Variants in NKAIN2 observed in about 807,000 individuals in gnomAD.
The protein encoded by NKAIN2 is sodium/potassium transporting ATPase interacting 2.
NKAIN2 carries 14 observed loss-of-function variants against 32.6 expected under a neutral mutation model. That is an observed-to-expected ratio of 0.43 (90% CI 0.28 to 0.67). The LOEUF (loss-of-function observed/expected upper bound fraction) is 0.67, where lower values mean the gene tolerates loss of function less well. NKAIN2 is among the 30% of genes least tolerant of loss of function. The probability of loss-of-function intolerance (pLI) is 0.17; values close to 1 mark genes in which losing one functional copy is unlikely to be tolerated. For synonymous variants in NKAIN2, 80 were observed against 87.2 expected, an observed-to-expected ratio of 0.92 and a Z score of 0.46; for missense variants, 198 against 258.3, an observed-to-expected ratio of 0.77 and a Z score of 1.60.
At chr6:123,808,365 A>G (rs369533017) in intron 1 of NKAIN2, among the ~76,000 whole-genome samples, 3 of 152,328 alleles carry the variant, frequency 2.0e-5, no homozygotes, top group South Asian at 4.1e-4. Flanking sequence ...ACAATACTTT[A>G]GAAACTTATC....
chr6:124,283,863 G>A (rs1022982931), intron 2 of NKAIN2, among the ~76,000 whole-genome samples: 3 of 151,862 alleles, frequency 2.0e-5, no homozygotes, highest in African/African-American at 7.3e-5. Flanking sequence ...TTTTGACAAA[G>A]GAAATGTCTA....
chr6:124,498,235 T>C (rs1177899685), intron 3 of NKAIN2, among the ~76,000 whole-genome samples: 3 of 152,136 alleles, frequency 2.0e-5, no homozygotes, highest in African/African-American at 7.2e-5. Context: ...GGTGGAAAGA[T>C]TGGCAGGGGG....
intron 1 of NKAIN2, among the ~76,000 whole-genome samples, chr6:123,841,578 A>G (rs1377506140): frequency 6.6e-6 from 1 of 152,142 alleles, no homozygotes; most frequent in Non-Finnish European, 1.5e-5. Context: ...CATCAACAGG[A>G]AGTCTGTACA....
chr6:123,836,450 T>C (rs1347145866), intron 1 of NKAIN2, among the ~76,000 whole-genome samples: 3 of 152,018 alleles, frequency 2.0e-5, no homozygotes, highest in African/African-American at 7.2e-5. Context: ...CCAAAATCTA[T>C]AGCTGCAGTC....
chr6:123,942,375 A>C (rs1457614378), intron 1 of NKAIN2, among the ~76,000 whole-genome samples: 1 of 152,076 alleles, frequency 6.6e-6, no homozygotes, highest in African/African-American at 2.4e-5. Context: ...TAGACATTGA[A>C]GAATTTGTTT....
At chr6:123,812,399 TCAAGTTATTAAAA>T (rs1269206342) in intron 1 of NKAIN2, among the ~76,000 whole-genome samples, 16 of 152,214 alleles carry the variant, frequency 1.1e-4, no homozygotes, top group African/African-American at 3.1e-4. Flanking sequence ...TAGAATATTA[TCAAGTTATTAAAA>T]CAAATGAATA....
At chr6:124,663,998 T>A (rs953330482) in intron 4 of NKAIN2, among the ~76,000 whole-genome samples, 1 of 152,068 alleles carries the variant, frequency 6.6e-6, no homozygotes, top group Non-Finnish European at 1.5e-5. Context: ...CTAGTGCTAA[T>A]GCTTGGTGGC....
chr6:124,694,137 GTAAT>G (rs1272659402), intron 4 of NKAIN2, among the ~76,000 whole-genome samples: 2 of 152,152 alleles, frequency 1.3e-5, no homozygotes, highest in Admixed American at 1.3e-4. Flanking sequence ...CATAGAGTAT[GTAAT>G]TAAACAAGTC....
At chr6:124,395,972 C>T (rs1039158725) in intron 3 of NKAIN2, among the ~76,000 whole-genome samples, 3 of 152,060 alleles carry the variant, frequency 2.0e-5, no homozygotes, top group African/African-American at 7.2e-5. Context: ...TGTGCTAAGC[C>T]TCTAGGCTCT....
chr6:124,788,862 T>C (rs1779621699), intron 4 of NKAIN2, among the ~76,000 whole-genome samples: 1 of 152,064 alleles, frequency 6.6e-6, no homozygotes, highest in South Asian at 2.1e-4. Flanking sequence ...GGAGGTAAAA[T>C]TAAATTAGAA....
At chr6:124,039,182 A>G (rs1274418752) in intron 1 of NKAIN2, among the ~76,000 whole-genome samples, 1 of 152,100 alleles carries the variant, frequency 6.6e-6, no homozygotes, top group Non-Finnish European at 1.5e-5. Flanking sequence ...AATTTTTAAA[A>G]ATAAGAAGAA....
chr6:123,880,177 C>T (rs996317091), intron 1 of NKAIN2, among the ~76,000 whole-genome samples: 10 of 152,148 alleles, frequency 6.6e-5, no homozygotes, highest in African/African-American at 2.2e-4. Context: ...TCATTAAGTT[C>T]TCACTATTAA....
intron 2 of NKAIN2, among the ~76,000 whole-genome samples, chr6:124,285,310 T>C (rs1263261693): frequency 6.6e-6 from 1 of 152,128 alleles, no homozygotes; most frequent in Non-Finnish European, 1.5e-5. Flanking sequence ...TTAGCTCATT[T>C]CTCTCTTACA....
At chr6:124,509,412 C>G (rs1409403787) in intron 3 of NKAIN2, among the ~76,000 whole-genome samples, 1 of 152,184 alleles carries the variant, frequency 6.6e-6, no homozygotes, top group African/African-American at 2.4e-5. Flanking sequence ...CATATATACT[C>G]GGTTTTGTTC....
rs150123329 is a variant in NKAIN2, at chr6:124,205,480, T to C, written c.55-77525T>C. ...TTTACTCTACTGGTACCTGAACACA[T>C]GTTTATCTCTCCAAGAAGTATCCCA... On this transcript the variant is annotated intron_variant, in intron 1 of 6. Coordinates refer to ENST00000368417, the MANE Select transcript of NKAIN2 (RefSeq NM_001040214.3). 4.4e-3 allele frequency among the ~76,000 whole-genome samples: 669 copies of C among 151,886 alleles called. 3 individuals carry two copies. Among genetic ancestry groups the C allele is most frequent in the African/African-American group, 0.015 (621 of 41,476 alleles).
intron 4 of NKAIN2, among the ~76,000 whole-genome samples, chr6:124,784,488 T>A (rs1274070544): frequency 6.6e-6 from 1 of 152,154 alleles, no homozygotes; most frequent in Non-Finnish European, 1.5e-5. Context: ...AACATACAAC[T>A]TTTTGGGTTG....
At chr6:123,839,720 TTA>T (rs912261535) in intron 1 of NKAIN2, among the ~76,000 whole-genome samples, 13 of 152,270 alleles carry the variant, frequency 8.5e-5, no homozygotes, top group African/African-American at 2.9e-4. Flanking sequence ...AACTGAATGG[TTA>T]TATGTTATTT....
At chr6:123,947,563 TA>T (rs1040063407) in intron 1 of NKAIN2, among the ~76,000 whole-genome samples, 2 of 152,232 alleles carry the variant, frequency 1.3e-5, no homozygotes, top group Non-Finnish European at 2.9e-5. Flanking sequence ...CTACTTTTTT[TA>T]AGCCATAGCC....
In NKAIN2 at chr6:124,336,682, G is replaced by GTT. The variant is rs71543265; in HGVS notation, c.193-18576_193-18575dup. Among the ~76,000 whole-genome samples the GTT allele has an allele frequency of 1.2e-3, 175 of 142,288 alleles. 3 individuals carry two copies. The highest frequency in any genetic ancestry group is 3.7e-3 in the Middle Eastern group (1 of 270). 93.3% of individuals were successfully genotyped at this position (142,288 alleles called of 152,430 possible). The stretch of plus-strand genomic sequence containing the variant: ...TGAAATAGTTTGTTTTTTTTTGTTT[G>GTT]TTTTTTTTTTGAGACGGAGTCTTGC... On this transcript the variant is annotated intron_variant, in intron 2 of 6. Transcript: ENST00000368417.
Sources: gnomAD v4.1 joint callset for allele counts (sites outside exome capture counted in the v4.1 genomes callset) on GRCh38, gnomAD v4.1.1 for gene constraint, MANE v1.5 for transcripts, NCBI Gene and HGNC (gene_info 2026-07-23, HGNC 2026-07-21) for gene names.